GRID2: variants seen among roughly 807,000 people sequenced by gnomAD.
GRID2 encodes glutamate ionotropic receptor delta type subunit 2, also known as glutamate receptor ionotropic, delta-2.
Under a neutral mutation model 114.8 loss-of-function variants are expected in GRID2, and 33 were observed. That is an observed-to-expected ratio of 0.29 (90% CI 0.22 to 0.38). The LOEUF is 0.38. GRID2 is among the 10% of genes least tolerant of loss of function. The pLI is 1.00. For missense variants in GRID2, 1,184 were observed against 1,257.7 expected, an observed-to-expected ratio of 0.94 and a Z score of 0.89; for synonymous variants, 505 against 449.9, an observed-to-expected ratio of 1.12 and a Z score of -1.55.
intron 2 of GRID2, among the ~76,000 whole-genome samples, chr4:92,654,117 C>T (rs1293391657): frequency 6.6e-6 from 1 of 151,992 alleles, no homozygotes; most frequent in Non-Finnish European, 1.5e-5. Context: ...TAACAAAACA[C>T]CACAGACTGT....
rs35638036 is a variant in GRID2, at chr4:92,408,431, C to CTTTTTTTTTTTTTTTTTTT, written c.88+103701_88+103719dup. 1.0e-3 allele frequency among the ~76,000 whole-genome samples: 20 copies of CTTTTTTTTTTTTTTTTTTT among 19,430 alleles called. 4 individuals carry two copies. Among genetic ancestry groups the CTTTTTTTTTTTTTTTTTTT allele is most frequent in the East Asian group, 2.3e-3 (1 of 430 alleles). The allele number at this position is 19,430 out of a possible 152,430, so 12.7% of individuals were successfully genotyped here. A position where few individuals can be genotyped will look rare whatever the true frequency, so the allele number is the denominator to read the frequency against. ...TACAATTATATTGCCTATTCAAGCT[C>CTTTTTTTTTTTTTTTTTTT]TTTTTTTTTTTTTTTTTTTTTTTTT... On this transcript the variant is annotated intron_variant, in intron 1 of 15. Coordinates refer to ENST00000282020, the MANE Select transcript of GRID2 (RefSeq NM_001510.4).
At chr4:93,712,007 T>TTTG (rs1460747193) in intron 14 of GRID2, among the ~76,000 whole-genome samples, 1 of 151,462 alleles carries the variant, frequency 6.6e-6, no homozygotes, top group African/African-American at 2.4e-5. Flanking sequence ...TTTCAGTTTT[T>TTTG]TTGTTGTTGT....
intron 1 of GRID2, among the ~76,000 whole-genome samples, chr4:92,370,749 C>A (rs919460379): frequency 2.0e-5 from 3 of 152,086 alleles, no homozygotes; most frequent in African/African-American, 4.8e-5. Flanking sequence ...GTCTGAAATA[C>A]ATTTTGAGTT....
At chr4:92,407,945 C>G (rs1331419841) in intron 1 of GRID2, among the ~76,000 whole-genome samples, 6 of 151,972 alleles carry the variant, frequency 3.9e-5, no homozygotes. Context: ...TAGTTGGATC[C>G]TACTTGTCAA....
chr4:93,138,393 A>G (rs1277076873), intron 4 of GRID2, among the ~76,000 whole-genome samples: 3 of 152,132 alleles, frequency 2.0e-5, no homozygotes, highest in East Asian at 3.9e-4. Context: ...CTTGTGCTCT[A>G]TTACTTATGT....
intron 1 of GRID2, among the ~76,000 whole-genome samples, chr4:92,502,675 T>C (rs1190461323): frequency 2.8e-5 from 4 of 141,442 alleles, no homozygotes; most frequent in Non-Finnish European, 6.1e-5. Flanking sequence ...ATTTTGCAAA[T>C]AAAAGCAATG....
At chr4:92,604,718 C>G (rs370269890) in intron 2 of GRID2, among the ~76,000 whole-genome samples, 179 of 152,176 alleles carry the variant, frequency 1.2e-3, no homozygotes, top group African/African-American at 4.1e-3. Flanking sequence ...TTTATTATGT[C>G]TGACAAAATG....
intron 14 of GRID2, among the ~76,000 whole-genome samples, chr4:93,671,684 C>A (rs941933729): frequency 6.6e-6 from 1 of 151,976 alleles, no homozygotes; most frequent in Non-Finnish European, 1.5e-5. Context: ...TTAAAATGAA[C>A]CAGGTTGGGC....
At chr4:92,368,375 C>A (rs577884447) in intron 1 of GRID2, among the ~76,000 whole-genome samples, 1 of 151,982 alleles carries the variant, frequency 6.6e-6, no homozygotes, top group East Asian at 1.9e-4. Flanking sequence ...ATATGATGGG[C>A]CTTTATTTTT....
intron 4 of GRID2, among the ~76,000 whole-genome samples, chr4:93,184,760 T>C (rs1210291529): frequency 2.0e-5 from 3 of 152,076 alleles, no homozygotes; most frequent in Non-Finnish European, 4.4e-5. Context: ...CGTGTGCCTG[T>C]AATCGCAGAT....
intron 4 of GRID2, among the ~76,000 whole-genome samples, chr4:93,148,440 G>A (rs183755446): frequency 3.1e-4 from 47 of 152,158 alleles, no homozygotes; most frequent in African/African-American, 9.6e-4. Flanking sequence ...GAGACCTTGC[G>A]TGAAGGAAAA....
At position 93,320,470 on chromosome 4, in the gene GRID2, T is replaced by G. The variant is rs75781980; in HGVS notation, c.1246-75137T>G. 7.1e-3 allele frequency among the ~76,000 whole-genome samples: 1,081 copies of G among 152,200 alleles called. 10 individuals are homozygous for G. Among genetic ancestry groups the G allele is most frequent in the African/African-American group, 0.025 (1,035 of 41,546 alleles). ...CACTTCAGAAAAACTGAATCAGAAA[T>G]TCTGGCATATGTGACAGCATCTACA... On this transcript the variant is annotated intron_variant, in intron 8 of 15. Coordinates refer to ENST00000282020, the MANE Select transcript of GRID2 (RefSeq NM_001510.4).
At chr4:92,680,022 G>A (rs1233061784) in intron 2 of GRID2, among the ~76,000 whole-genome samples, 1 of 151,894 alleles carries the variant, frequency 6.6e-6, no homozygotes, top group Admixed American at 6.6e-5. Context: ...CAACTTTCCT[G>A]GCTTAGGGGA....
At chr4:92,757,825 G>A (rs552007634) in intron 2 of GRID2, among the ~76,000 whole-genome samples, 2 of 151,112 alleles carry the variant, frequency 1.3e-5, no homozygotes, top group South Asian at 2.1e-4. Context: ...TAATACTGCC[G>A]AGAAGTTACT....
intron 8 of GRID2, among the ~76,000 whole-genome samples, chr4:93,321,071 C>T (rs1040122315): frequency 1.3e-5 from 2 of 152,026 alleles, no homozygotes; most frequent in Admixed American, 6.6e-5. Context: ...CCTTATATTC[C>T]TACTGTGATC....
At chr4:93,042,138 C>T (rs552212387) in intron 2 of GRID2, among the ~76,000 whole-genome samples, 180 of 151,922 alleles carry the variant, frequency 1.2e-3, no homozygotes, top group Non-Finnish European at 2.3e-3. Flanking sequence ...CTTCTGACCT[C>T]GTGATCTGCC....
intron 9 of GRID2, among the ~76,000 whole-genome samples, chr4:93,405,279 A>G (rs1766300001): frequency 6.6e-6 from 1 of 152,172 alleles, no homozygotes; most frequent in South Asian, 2.1e-4. Context: ...ACCATAGTAT[A>G]TGTGTTCACT....
At chr4:93,138,644 C>A (rs1735490888) in intron 4 of GRID2, among the ~76,000 whole-genome samples, 1 of 152,168 alleles carries the variant, frequency 6.6e-6, no homozygotes, top group Non-Finnish European at 1.5e-5. Flanking sequence ...CCGATAATCA[C>A]CTTTTCTCAT....
At chr4:92,613,999 C>A (rs1265929336) in intron 2 of GRID2, among the ~76,000 whole-genome samples, 5 of 151,382 alleles carry the variant, frequency 3.3e-5, no homozygotes, top group Non-Finnish European at 7.4e-5. Context: ...GGGTTATTAT[C>A]ATATCCATCA....
Sources: gnomAD v4.1 joint callset for allele counts (sites outside exome capture counted in the v4.1 genomes callset) on GRCh38, gnomAD v4.1.1 for gene constraint, MANE v1.5 for transcripts, NCBI Gene and HGNC (gene_info 2026-07-23, HGNC 2026-07-21) for gene names.